Variants in ATP1A2 observed in about 807,000 individuals in gnomAD.
ATP1A2 encodes sodium/potassium-transporting ATPase subunit alpha-2.
In ATP1A2, 56 loss-of-function variants were observed where a neutral mutation model predicts 113.1. The observed-to-expected ratio is 0.49, with a 90% CI of 0.40 to 0.62. The LOEUF is 0.62. ATP1A2 is among the 20% of genes least tolerant of loss of function. The pLI is 0.00. For missense variants in ATP1A2, 712 were observed against 1,357.8 expected (o/e 0.52, Z 7.47); for synonymous variants, 490 against 526.8 (o/e 0.93, Z 0.96).
chr1:160,137,761 T>A (rs1570996283), intron 20 of ATP1A2, among the ~76,000 whole-genome samples: 1 of 147,258 alleles, frequency 6.8e-6, no homozygotes, highest in Non-Finnish European at 1.5e-5. Flanking sequence ...TTTTATTTTC[T>A]CCTACCATAA....
intron 3 of ATP1A2, 50 bp downstream of exon 3, chr1:160,121,301 G>T (rs781152642): frequency 2.6e-5 from 41 of 1,600,068 alleles, no homozygotes; most frequent in Non-Finnish European, 3.1e-5. Flanking sequence ...AGAAAACCAT[G>T]CAGCATCAAG....
intron 1 of ATP1A2, among the ~76,000 whole-genome samples, chr1:160,119,053 A>T (rs1651280711): frequency 6.6e-6 from 1 of 152,066 alleles, no homozygotes. Context: ...ATAAAGATGT[A>T]TCAATGCAGG....
chr1:160,128,573 G>A, intron 8 of ATP1A2, 79 bp from the exon 9 acceptor site: 2 of 1,602,566 alleles, frequency 1.2e-6, no homozygotes, highest in Non-Finnish European at 1.7e-6. Flanking sequence ...GAGGAGGAAT[G>A]GAGCCACGGT....
At position 160,135,018 on chromosome 1, in the gene ATP1A2, C is replaced by G; in HGVS notation, c.1965-127C>G. On this transcript the variant is annotated intron_variant, in intron 14 of 22. Transcript: ENST00000361216. This position sits in a 1 kb window ranked among gnomAD's most constrained non-coding sequence, Gnocchi z 6.3. ...GAAGTGAGTACTGAGGAGAGGAGAA[C>G]TGAAGCAACAGGGGAAGCAGGCTCA... 8 of 1,244,906 alleles carry G rather than the reference C, an allele frequency of 6.4e-6. No homozygotes were observed. The highest frequency in any genetic ancestry group is 1.3e-5 in the South Asian group (1 of 78,696). 77.1% of individuals were successfully genotyped at this position (1,244,906 alleles called of 1,614,324 possible).
At chr1:160,134,077 C>A (rs1258854752) in intron 13 of ATP1A2, among the ~76,000 whole-genome samples, 9 of 148,998 alleles carry the variant, frequency 6.0e-5, no homozygotes, top group African/African-American at 7.4e-5. Context: ...TCCCCACCCC[C>A]CACACACACA....
At chr1:160,116,569 C>T (rs1651194047) in intron 1 of ATP1A2, among the ~76,000 whole-genome samples, 1 of 151,506 alleles carries the variant, frequency 6.6e-6, no homozygotes, top group Non-Finnish European at 1.5e-5. Context: ...CCGTCCATGG[C>T]ATTCTGCAGC....
Position 160,115,802 on chromosome 1 carries a change from G to A in ATP1A2, c.-60G>A. 1 of 1,569,060 alleles carries A rather than the reference G, an allele frequency of 6.4e-7. No individual in the cohort carries two copies. Among genetic ancestry groups the A allele is most frequent in the Non-Finnish European group, 8.6e-7 (1 of 1,156,196 alleles). On this transcript the variant is annotated 5_prime_UTR_variant, in exon 1 of 23. Transcript: ENST00000361216. ...CCGACTGTCCCAGACGGGCTGGTGT[G>A]GGCTTGGGATCCTCCTGGTGACCTC...
intron 1 of ATP1A2, among the ~76,000 whole-genome samples, chr1:160,116,760 G>A (rs937800627): frequency 3.9e-5 from 6 of 152,236 alleles, no homozygotes; most frequent in East Asian, 3.9e-4. Context: ...GGCATGCTGC[G>A]GAACAGGAGG....
intron 19 of ATP1A2, 68 bp from the exon 20 acceptor site, chr1:160,136,833 C>A: frequency 4.3e-6 from 7 of 1,614,152 alleles, no homozygotes; most frequent in Non-Finnish European, 5.9e-6. Flanking sequence ...TCAGGAGAAA[C>A]CATGCTACCT....
intron 8 of ATP1A2, among the ~76,000 whole-genome samples, chr1:160,128,087 C>T (rs978731782): frequency 2.6e-5 from 4 of 152,126 alleles, no homozygotes; most frequent in Admixed American, 2.0e-4. Context: ...GGTCTCATTC[C>T]GTCCAAGTCT....
In ATP1A2 at chr1:160,124,068, G is replaced by A; in HGVS notation, c.495+12G>A. ...ACATGGTACCTCAGGTAAGATGGCAGGGCTGGGCTCTGGGCTAGGCTGTAA... is the reference window on the plus strand; with the variant it reads ...ACATGGTACCTCAGGTAAGATGGCAAGGCTGGGCTCTGGGCTAGGCTGTAA... On this transcript the variant is annotated intron_variant, in intron 5 of 22. Transcript: ENST00000361216. 6.2e-7 allele frequency: 1 copy of A among 1,613,580 alleles called. No homozygotes were observed.
chr1:160,130,708 C>G, intron 13 of ATP1A2, 111 bp downstream of exon 13: 1 of 1,447,664 alleles, frequency 6.9e-7, no homozygotes, highest in Non-Finnish European at 9.5e-7. Context: ...CTCCTTCCCA[C>G]TGACTCAGAG....
Position 160,134,555 on chromosome 1 carries a change from G to C in ATP1A2, c.1899G>C (p.Glu633Asp). 6.2e-7 allele frequency: 1 copy of C among 1,614,236 alleles called. No individual in the cohort carries two copies. Among genetic ancestry groups the C allele is most frequent in the Non-Finnish European group, 8.5e-7 (1 of 1,180,044 alleles). ...AIAKGVGIIS[E>D]GNETVEDIAA... Reference sequence around the variant, plus strand: ...CCAAAGGCGTGGGCATCATATCAGAGGGTAACGAGACTGTGGAGGACATTG... The same window carrying C: ...CCAAAGGCGTGGGCATCATATCAGACGGTAACGAGACTGTGGAGGACATTG... Residue 633 changes from glutamate to aspartate, a missense_variant, in exon 14 of 23, where the codon GAG becomes GAC. Transcript: ENST00000361216.
rs908428931 is a variant in ATP1A2, at chr1:160,136,180, C to A, written c.2440-67C>A. 15 of 1,609,892 alleles carry A rather than the reference C, an allele frequency of 9.3e-6. No individual in the cohort carries two copies. The African/African-American group carries it at 1.9e-4, about 20-fold the overall frequency. On this transcript the variant is annotated intron_variant, in intron 17 of 22. Coordinates refer to ENST00000361216, the MANE Select transcript of ATP1A2 (RefSeq NM_000702.4). Reference sequence around the variant, plus strand: ...GTCAACGATCGTCACTGTCGAAGATCAATTGCTTCTGTCATCTCCTACGTC... The same window carrying A: ...GTCAACGATCGTCACTGTCGAAGATAAATTGCTTCTGTCATCTCCTACGTC...
At position 160,128,670 on chromosome 1, in the gene ATP1A2, G is replaced by A; in HGVS notation, c.1036G>A (p.Ala346Thr). Residue 346 changes from alanine (A) to threonine (T), a missense_variant, in exon 9 of 23, where the codon GCC becomes ACC. Ala to Thr is a moderately conservative substitution (Grantham distance 58, BLOSUM62 0). Transcript: ENST00000361216. ...ATVTVCLTLT[A>T]KRMARKNCLV... Reference sequence around the variant, plus strand: ...CTACCAGGTGTGCCTGACCCTGACAGCCAAGCGCATGGCACGGAAGAACTG... The same window carrying A: ...CTACCAGGTGTGCCTGACCCTGACAACCAAGCGCATGGCACGGAAGAACTG... 1 of 1,614,190 alleles carries A rather than the reference G, an allele frequency of 6.2e-7. No homozygotes were observed.
rs960027999 is a variant in ATP1A2 at position 160,143,130 on chromosome 1, G to C, written c.*1808G>C. 1 of 152,260 alleles carries C rather than the reference G, an allele frequency of 6.6e-6. No homozygotes were observed. The highest frequency in any genetic ancestry group is 1.5e-5 in the Non-Finnish European group (1 of 68,070). 9.4% of individuals were successfully genotyped at this position (152,260 alleles called of 1,614,324 possible). On this transcript the variant is annotated 3_prime_UTR_variant, in exon 23 of 23. Coordinates refer to ENST00000361216, the MANE Select transcript of ATP1A2 (RefSeq NM_000702.4). ...GACAGGAAGGAAGCACAAAAGACAA[G>C]CATTGGGTCAGACCCATAAACCACC...
Position 160,129,029 on chromosome 1 carries a change from T to C in ATP1A2, c.1266T>C (p.Ile422=). ...CTACGTGGACGGCCCTGTCTCGAATTGCTGGTCTCTGCAACCGCGCCGTCT... is the reference window on the plus strand; with the variant it reads ...CTACGTGGACGGCCCTGTCTCGAATCGCTGGTCTCTGCAACCGCGCCGTCT... ...RSPTWTALSR[I]AGLCNRAVFK... is the part of the protein sequence containing the mutation. Residue 422 remains isoleucine (I), a synonymous_variant, in exon 10 of 23, where the codon ATT becomes ATC. Transcript: ENST00000361216. The C allele has an allele frequency of 6.2e-7, 1 of 1,612,000 alleles. No homozygotes were observed. The highest frequency in any genetic ancestry group is 1.1e-5 in the South Asian group (1 of 90,658).
At chr1:160,118,265 A>G (rs1460528170) in intron 1 of ATP1A2, among the ~76,000 whole-genome samples, 3 of 152,194 alleles carry the variant, frequency 2.0e-5, no homozygotes, top group Non-Finnish European at 4.4e-5. Context: ...ATCTGAATAT[A>G]CAGAAATTCC....
At position 160,135,787 on chromosome 1, in the gene ATP1A2, G is replaced by A; in HGVS notation, c.2285-52G>A. ...AGGCAGCCATGCTTCAGGGGCTGGGGGTGGGGAAGAGTCCCTCTGACCTCC... is the reference window on the plus strand; with the variant it reads ...AGGCAGCCATGCTTCAGGGGCTGGGAGTGGGGAAGAGTCCCTCTGACCTCC... On this transcript the variant is annotated intron_variant, in intron 16 of 22. Transcript: ENST00000361216. This position sits in a 1 kb window ranked among gnomAD's most constrained non-coding sequence, Gnocchi z 6.3. The A allele has an allele frequency of 6.2e-7, 1 of 1,613,410 alleles. No homozygotes were observed. Among genetic ancestry groups the A allele is most frequent in the Non-Finnish European group, 8.5e-7 (1 of 1,179,548 alleles).
Sources: gnomAD v4.1 joint callset for allele counts (sites outside exome capture counted in the v4.1 genomes callset) on GRCh38, gnomAD v4.1.1 for gene constraint, Gnocchi (gnomAD v3.1) non-coding constraint, MANE v1.5 for transcripts, NCBI Gene and HGNC (gene_info 2026-07-23, HGNC 2026-07-21) for gene names.